The following PDE1C variants were observed in gnomAD, a reference collection of about 807,000 sequenced individuals.
The protein encoded by PDE1C is dual specificity calcium/calmodulin-dependent 3',5'-cyclic nucleotide phosphodiesterase 1C.
PDE1C carries 62 observed loss-of-function variants against 93.1 expected under a neutral mutation model. The ratio of observed to expected loss-of-function variants is 0.67; its 90% CI spans 0.54 to 0.82. The LOEUF is 0.82. PDE1C is among the 40% of genes least tolerant of loss of function. The pLI is 0.00. For synonymous variants in PDE1C, 325 were observed against 310.1 expected (o/e 1.05, Z -0.50); for missense variants, 742 against 884.6 (o/e 0.84, Z 2.04).
chr7:31,736,295 G>T, the PDE1C span, among the ~76,000 whole-genome samples: 1 of 152,192 alleles, frequency 6.6e-6, no homozygotes, highest in African/African-American at 2.4e-5. Flanking sequence ...AGAAAAACTG[G>T]CTGTGGGCTT....
intron 1 of PDE1C, among the ~76,000 whole-genome samples, chr7:32,422,057 G>T (rs1168288649): frequency 6.6e-6 from 1 of 152,194 alleles, no homozygotes; most frequent in African/African-American, 2.4e-5. Flanking sequence ...CTAGGTGAAA[G>T]GAAGTGTGTT....
chr7:31,873,143 T>C, intron 6 of PDE1C, 149 bp downstream of exon 6: 2 of 582,248 alleles, frequency 3.4e-6, no homozygotes, highest in Non-Finnish European at 6.1e-6. Context: ...CACAGAGGAA[T>C]TCACAGCAGT....
At chr7:31,911,337 G>T (rs973942949) in intron 2 of PDE1C, among the ~76,000 whole-genome samples, 1 of 152,070 alleles carries the variant, frequency 6.6e-6, no homozygotes, top group South Asian at 2.1e-4. Flanking sequence ...AGGCCTATAT[G>T]ATATTTGTGG....
chr7:31,966,680 C>T (rs182317972), intron 2 of PDE1C, among the ~76,000 whole-genome samples: 33 of 152,268 alleles, frequency 2.2e-4, no homozygotes, highest in African/African-American at 7.7e-4. Context: ...CACAACACAC[C>T]TATTCCAAAA....
At chr7:31,955,217 G>T (rs958377788) in intron 2 of PDE1C, among the ~76,000 whole-genome samples, 1 of 152,088 alleles carries the variant, frequency 6.6e-6, no homozygotes. Flanking sequence ...CCCTGCCCCC[G>T]CTTGGATTAC....
intron 3 of PDE1C, among the ~76,000 whole-genome samples, chr7:32,163,184 T>C (rs1271099479): frequency 6.6e-6 from 1 of 152,148 alleles, no homozygotes; most frequent in East Asian, 1.9e-4. Flanking sequence ...TAGAAAAATA[T>C]GTGTGACCAG....
chr7:32,133,673 C>T (rs1443991091), intron 3 of PDE1C, among the ~76,000 whole-genome samples: 6 of 152,022 alleles, frequency 3.9e-5, no homozygotes, highest in African/African-American at 1.4e-4. Flanking sequence ...AAGTTAATTG[C>T]CAGCTAAATA....
At chr7:31,950,200 T>C (rs185336869) in intron 2 of PDE1C, among the ~76,000 whole-genome samples, 63 of 152,314 alleles carry the variant, frequency 4.1e-4, no homozygotes, top group African/African-American at 1.4e-3. Flanking sequence ...CAAAACTCTT[T>C]ACGTGGCAGG....
chr7:32,401,877 G>A (rs1423089052), intron 1 of PDE1C, among the ~76,000 whole-genome samples: 1 of 152,192 alleles, frequency 6.6e-6, no homozygotes. Flanking sequence ...GTTTGAACTG[G>A]ACCTGAGTTC....
intron 3 of PDE1C, among the ~76,000 whole-genome samples, chr7:32,094,037 G>T (rs554887004): frequency 6.6e-6 from 1 of 152,378 alleles, no homozygotes; most frequent in Non-Finnish European, 1.5e-5. Flanking sequence ...GAATGTGTGA[G>T]CCACTCTGCC....
the PDE1C span, among the ~76,000 whole-genome samples, chr7:31,649,381 A>C: frequency 6.6e-6 from 1 of 152,158 alleles, no homozygotes; most frequent in Admixed American, 6.5e-5. Context: ...GAGGAAGAAG[A>C]GAAGCTTCAA....
chr7:32,325,662 G>C (rs2128074961), intron 1 of PDE1C, among the ~76,000 whole-genome samples: 1 of 152,300 alleles, frequency 6.6e-6, no homozygotes, highest in Admixed American at 6.5e-5. Context: ...CTCATAGCAG[G>C]CTCCCAATAA....
At chr7:31,795,567 T>C (rs1316101554) in intron 16 of PDE1C, among the ~76,000 whole-genome samples, 4 of 151,886 alleles carry the variant, frequency 2.6e-5, no homozygotes, top group African/African-American at 9.7e-5. Context: ...AAAGCTTATG[T>C]AGCAATAATT....
intron 1 of PDE1C, among the ~76,000 whole-genome samples, chr7:32,216,755 T>G (rs1312354864): frequency 1.3e-5 from 2 of 152,164 alleles, no homozygotes; most frequent in Non-Finnish European, 2.9e-5. Flanking sequence ...ACACAGGTTT[T>G]TTATGGCCAA....
the PDE1C span, among the ~76,000 whole-genome samples, chr7:31,666,818 G>A: frequency 6.6e-6 from 1 of 151,158 alleles, no homozygotes; most frequent in Non-Finnish European, 1.5e-5. Context: ...TGTATATTTT[G>A]AATACAAGTT....
intron 1 of PDE1C, among the ~76,000 whole-genome samples, chr7:32,267,964 G>A (rs1361386305): frequency 1.3e-5 from 2 of 152,202 alleles, no homozygotes; most frequent in Non-Finnish European, 2.9e-5. Context: ...GGACGACTGT[G>A]CTGAAAGTGA....
chr7:32,041,922 G>T (rs1047791637), intron 2 of PDE1C, among the ~76,000 whole-genome samples: 10 of 152,124 alleles, frequency 6.6e-5, no homozygotes, highest in African/African-American at 2.2e-4. Flanking sequence ...ACCAAAGGCA[G>T]ATCTTTTTGA....
chr7:32,017,321 A>G (rs1788041236), intron 2 of PDE1C, among the ~76,000 whole-genome samples: 1 of 152,188 alleles, frequency 6.6e-6, no homozygotes, highest in Non-Finnish European at 1.5e-5. Context: ...CTGGATCACA[A>G]CTTTACATCA....
chr7:32,287,015 C>A (rs981627620), intron 1 of PDE1C, among the ~76,000 whole-genome samples: 1 of 152,118 alleles, frequency 6.6e-6, no homozygotes, highest in Non-Finnish European at 1.5e-5. Context: ...GAACTAATAC[C>A]CAGAAGGCTA....
Sources: allele counts gnomAD v4.1 joint callset (sites outside exome capture counted in the v4.1 genomes callset), GRCh38; gene constraint gnomAD v4.1.1; transcripts MANE v1.5; gene names NCBI Gene and HGNC (gene_info 2026-07-23, HGNC 2026-07-21).